CHST9: variants seen among roughly 807,000 people sequenced by gnomAD.
The protein encoded by CHST9 is GalNAc-4-sulfotransferase 2.
Under a neutral mutation model 44.4 loss-of-function variants are expected in CHST9, and 41 were observed. The ratio of observed to expected loss-of-function variants is 0.92; its 90% CI spans 0.72 to 1.20. CHST9 has a LOEUF of 1.20. Ranked by LOEUF, CHST9 falls within the 50% of genes most tolerant of loss-of-function variation. The pLI, the probability that CHST9 is intolerant of heterozygous loss-of-function variation, is 0.00. For missense variants in CHST9, 504 were observed against 516.5 expected (o/e 0.98, Z 0.23); for synonymous variants, 171 against 178.4 (o/e 0.96, Z 0.33).
chr18:26,941,595 G>A (rs1008898836), intron 5 of CHST9, among the ~76,000 whole-genome samples: 1 of 151,390 alleles, frequency 6.6e-6, no homozygotes, highest in African/African-American at 2.4e-5. Context: ...ACATTTTTCA[G>A]ATAGGAAATG....
chr18:26,992,624 T>C (rs1019637791), intron 4 of CHST9, among the ~76,000 whole-genome samples: 2 of 152,144 alleles, frequency 1.3e-5, no homozygotes, highest in African/African-American at 4.8e-5. Flanking sequence ...TTCTTTCTTT[T>C]TTTTTTTTAA....
At chr18:27,121,123 C>G (rs1184148421) in intron 2 of CHST9, among the ~76,000 whole-genome samples, 2 of 152,182 alleles carry the variant, frequency 1.3e-5, no homozygotes, top group African/African-American at 4.8e-5. Flanking sequence ...CCGCCTCAGG[C>G]TCTCCAGCAG....
chr18:27,179,675 G>A (rs1227352714), intron 1 of CHST9, among the ~76,000 whole-genome samples: 1 of 151,986 alleles, frequency 6.6e-6, no homozygotes, highest in East Asian at 1.9e-4. Context: ...TAAATGTTAT[G>A]CATATCAAAC....
chr18:27,041,694 T>C (rs931753059), intron 3 of CHST9, among the ~76,000 whole-genome samples: 2 of 152,284 alleles, frequency 1.3e-5, no homozygotes, highest in East Asian at 3.9e-4. Context: ...TTGTCTAGTC[T>C]GCATACACAC....
intron 4 of CHST9, among the ~76,000 whole-genome samples, chr18:26,953,254 G>A (rs911650141): frequency 2.0e-5 from 3 of 152,170 alleles, no homozygotes; most frequent in Non-Finnish European, 2.9e-5. Flanking sequence ...ATTAGAAGGT[G>A]GAATTTGAAT....
At position 27,119,213 on chromosome 18, in the gene CHST9, C is replaced by T. The variant is rs557103508; in HGVS notation, c.121+23476G>A. On this transcript the variant is annotated intron_variant, in intron 2 of 5. Transcript: ENST00000618847. ...ACCAAACCAAGTACATTTGCCTTCT[C>T]GGTTTAATTAATAATGTGTTCTTAT... is the stretch of plus-strand genomic sequence containing the variant. Among the ~76,000 whole-genome samples, 7 of 152,192 alleles carry T rather than the reference C, an allele frequency of 4.6e-5. No homozygotes were observed. In the South Asian group the frequency reaches 8.3e-4, roughly 18 times the overall value.
intron 5 of CHST9, among the ~76,000 whole-genome samples, chr18:26,929,046 ACT>A (rs2055828950): frequency 6.6e-6 from 1 of 151,866 alleles, no homozygotes; most frequent in African/African-American, 2.4e-5. Flanking sequence ...GACCCCAAAC[ACT>A]CTGTCTTACC....
rs368917463 is a variant in CHST9, at chr18:27,038,632, C to A, written c.160+9833G>T. Reference sequence around the variant, plus strand: ...TGGCTGTTGAGAACTTGCTATGTGACTAGCACAACTCAGAAACTGAATTTT... The same window carrying A: ...TGGCTGTTGAGAACTTGCTATGTGAATAGCACAACTCAGAAACTGAATTTT... On this transcript the variant is annotated intron_variant, in intron 3 of 5. Coordinates refer to ENST00000618847, the MANE Select transcript of CHST9 (RefSeq NM_031422.6). 7.9e-5 allele frequency among the ~76,000 whole-genome samples: 12 copies of A among 152,250 alleles called. No individual in the cohort carries two copies. The East Asian group carries it at 1.7e-3, about 22-fold the overall frequency.
Position 27,143,469 on chromosome 18 carries a change from AATTACTGAAATCTACCTCAG to A in CHST9, c.-96-584_-96-565del, listed in dbSNP as rs2058585461. Among the ~76,000 whole-genome samples the A allele has an allele frequency of 3.3e-5, 5 of 152,182 alleles. No individual in the cohort carries two copies. In the South Asian group the frequency reaches 8.3e-4, roughly 25 times the overall value. ...AAGGACCCCTCCCACAATAACATGAAATTACTGAAATCTACCTCAGATTACAGAAATCTACCTCAGTAATA... is the reference window on the plus strand; with the variant it reads ...AAGGACCCCTCCCACAATAACATGAAATTACAGAAATCTACCTCAGTAATA... On this transcript the variant is annotated intron_variant, in intron 1 of 5. Transcript: ENST00000618847.
chr18:27,127,673 C>T (rs2058436287), intron 2 of CHST9, among the ~76,000 whole-genome samples: 1 of 152,112 alleles, frequency 6.6e-6, no homozygotes, highest in Admixed American at 6.5e-5. Flanking sequence ...AGAGATTGAA[C>T]TGTGTATAAT....
intron 3 of CHST9, among the ~76,000 whole-genome samples, chr18:27,035,076 C>A (rs1207971721): frequency 6.6e-6 from 1 of 152,104 alleles, no homozygotes; most frequent in Non-Finnish European, 1.5e-5. Context: ...TGAGGAATTT[C>A]CATATGGTTT....
chr18:27,159,459 T>A (rs1284640440), intron 1 of CHST9, among the ~76,000 whole-genome samples: 1 of 152,300 alleles, frequency 6.6e-6, no homozygotes, highest in East Asian at 1.9e-4. Context: ...TTCTGTTCCA[T>A]TGGTCTATAT....
intron 5 of CHST9, among the ~76,000 whole-genome samples, chr18:26,932,684 A>C (rs1341832866): frequency 6.6e-6 from 1 of 152,142 alleles, no homozygotes; most frequent in South Asian, 2.1e-4. Context: ...TACATTGAAG[A>C]AGAACATTTA....
intron 5 of CHST9, among the ~76,000 whole-genome samples, chr18:26,924,328 G>T (rs945303855): frequency 1.3e-5 from 2 of 152,114 alleles, no homozygotes; most frequent in African/African-American, 2.4e-5. Context: ...AGAAGAAATA[G>T]AAGTAGCAGT....
At chr18:26,997,145 T>C (rs1226715509) in intron 4 of CHST9, among the ~76,000 whole-genome samples, 2 of 152,226 alleles carry the variant, frequency 1.3e-5, no homozygotes, top group Non-Finnish European at 2.9e-5. Context: ...TAACAGCAGA[T>C]GTTACTGACA....
At chr18:27,157,721 G>A (rs968806812) in intron 1 of CHST9, among the ~76,000 whole-genome samples, 1 of 151,978 alleles carries the variant, frequency 6.6e-6, no homozygotes, top group Admixed American at 6.6e-5. Context: ...TAGATATATA[G>A]AGAAGCCTAG....
At chr18:27,094,341 T>C (rs1316536793) in intron 2 of CHST9, among the ~76,000 whole-genome samples, 1 of 152,198 alleles carries the variant, frequency 6.6e-6, no homozygotes, top group Non-Finnish European at 1.5e-5. Context: ...TTGTTTATTG[T>C]TGGTGTTTTA....
intron 2 of CHST9, among the ~76,000 whole-genome samples, chr18:27,098,872 A>T (rs2058143873): frequency 6.6e-6 from 1 of 152,152 alleles, no homozygotes; most frequent in South Asian, 2.1e-4. Flanking sequence ...TTCAATGAAA[A>T]AGGAGCCTGA....
At chr18:27,094,480 G>A (rs2058098023) in intron 2 of CHST9, among the ~76,000 whole-genome samples, 1 of 152,074 alleles carries the variant, frequency 6.6e-6, no homozygotes, top group Non-Finnish European at 1.5e-5. Context: ...GAGTTCTCAA[G>A]TTTTCATTAC....
Sources: allele counts gnomAD v4.1 joint callset (sites outside exome capture counted in the v4.1 genomes callset), GRCh38; gene constraint gnomAD v4.1.1; transcripts MANE v1.5; gene names NCBI Gene and HGNC (gene_info 2026-07-23, HGNC 2026-07-21).